The following RELN variants were observed in gnomAD, a reference collection of about 807,000 sequenced individuals.
RELN encodes the protein reelin.
Under a neutral mutation model 427.6 loss-of-function variants are expected in RELN, and 108 were observed. The observed-to-expected ratio is 0.25, with a 90% confidence interval of 0.22 to 0.30. RELN has a LOEUF of 0.30. RELN is among the 10% of genes least tolerant of loss of function. RELN has a pLI of 1.00. For synonymous variants in RELN, 1,524 were observed against 1,513.4 expected, an observed-to-expected ratio of 1.01 and a Z score of -0.16; for missense variants, 3,715 against 4,302.8, an observed-to-expected ratio of 0.86 and a Z score of 3.82.
At chr7:103,982,490 G>C (rs1477305359) in intron 1 of RELN, among the ~76,000 whole-genome samples, 1 of 151,996 alleles carries the variant, frequency 6.6e-6, no homozygotes, top group Admixed American at 6.6e-5. Context: ...GGCAATGGGG[G>C]AAACCTGAAG....
intron 11 of RELN, 76 bp from the exon 12 acceptor site, chr7:103,661,603 T>C: frequency 1.5e-6 from 2 of 1,300,090 alleles, no homozygotes; most frequent in East Asian, 2.4e-5. Context: ...ATTTAGTTTT[T>C]AGTGAGGGAC....
chr7:103,932,604 A>T (rs1391823714), intron 1 of RELN, among the ~76,000 whole-genome samples: 1 of 152,146 alleles, frequency 6.6e-6, no homozygotes, highest in African/African-American at 2.4e-5. Context: ...CTGTTATTCC[A>T]CCTGGTGGTG....
At chr7:103,741,537 C>CATTTGT (rs1393122047) in intron 6 of RELN, among the ~76,000 whole-genome samples, 3 of 150,016 alleles carry the variant, frequency 2.0e-5, no homozygotes, top group African/African-American at 4.9e-5. Flanking sequence ...ACAAATATAT[C>CATTTGT]ACAAGAGAAA....
At chr7:103,503,798 G>A (rs1417299703) in intron 51 of RELN, among the ~76,000 whole-genome samples, 1 of 150,890 alleles carries the variant, frequency 6.6e-6, no homozygotes, top group African/African-American at 2.4e-5. Context: ...TAAAATCTTG[G>A]CCTAAATATT....
intron 11 of RELN, among the ~76,000 whole-genome samples, chr7:103,675,973 C>T (rs1008842189): frequency 8.5e-5 from 13 of 152,134 alleles, no homozygotes; most frequent in Non-Finnish European, 1.8e-4. Context: ...AGGACATAGG[C>T]ATGGGCAAGG....
At chr7:103,475,611 A>T (rs1024559) in intron 64 of RELN, among the ~76,000 whole-genome samples, 20,716 of 152,218 alleles carry the variant, frequency 0.14, 1,765 homozygotes, top group East Asian at 0.29. Context: ...TGTTATCTCA[A>T]TGCAACCTAG....
intron 11 of RELN, among the ~76,000 whole-genome samples, chr7:103,674,141 A>G (rs1387997433): frequency 1.3e-5 from 2 of 152,030 alleles, no homozygotes; most frequent in Non-Finnish European, 2.9e-5. Flanking sequence ...TTTCCAGCTC[A>G]CTAATTTGTT....
intron 1 of RELN, among the ~76,000 whole-genome samples, chr7:103,976,806 C>A (rs944403853): frequency 1.3e-5 from 2 of 152,120 alleles, no homozygotes; most frequent in South Asian, 2.1e-4. Flanking sequence ...ATTGTAGTCC[C>A]AGCAATCAAG....
At chr7:103,838,126 G>A (rs983300214) in intron 2 of RELN, among the ~76,000 whole-genome samples, 22 of 148,714 alleles carry the variant, frequency 1.5e-4, no homozygotes, top group Admixed American at 1.4e-4. Context: ...GGAGAATGGC[G>A]TGAACCTGGG....
chr7:103,886,524 T>C (rs537741348), intron 2 of RELN, among the ~76,000 whole-genome samples: 6 of 152,326 alleles, frequency 3.9e-5, no homozygotes, highest in Admixed American at 1.3e-4. Context: ...AATGCACATC[T>C]TGATTTTAAG....
intron 46 of RELN, among the ~76,000 whole-genome samples, chr7:103,529,246 C>T (rs925933067): frequency 3.9e-5 from 6 of 152,196 alleles, no homozygotes; most frequent in African/African-American, 1.2e-4. Flanking sequence ...GTGCACAGCA[C>T]CTTTCCTTAG....
intron 28 of RELN, among the ~76,000 whole-genome samples, chr7:103,586,518 C>T (rs911320407): frequency 1.3e-5 from 2 of 152,018 alleles, no homozygotes; most frequent in East Asian, 3.9e-4. Flanking sequence ...CAACATAGTA[C>T]TAGAAGTCTT....
chr7:103,527,575 A>C (rs917061593), intron 46 of RELN, among the ~76,000 whole-genome samples: 1 of 152,206 alleles, frequency 6.6e-6, no homozygotes, highest in South Asian at 2.1e-4. Context: ...TGTTGCAGCT[A>C]TATGTGTCTT....
chr7:103,498,891 T>G (rs1474461616), intron 53 of RELN, among the ~76,000 whole-genome samples: 1 of 152,246 alleles, frequency 6.6e-6, no homozygotes, highest in Non-Finnish European at 1.5e-5. Context: ...AAAGTATTAT[T>G]GTAATGTATT....
intron 3 of RELN, among the ~76,000 whole-genome samples, chr7:103,777,603 T>C (rs1329199710): frequency 1.3e-5 from 2 of 152,160 alleles, no homozygotes; most frequent in African/African-American, 4.8e-5. Flanking sequence ...CCCCTTGATA[T>C]GCGTGCCCTT....
intron 64 of RELN, among the ~76,000 whole-genome samples, chr7:103,474,842 G>A (rs1586457625): frequency 1.3e-5 from 2 of 149,822 alleles, no homozygotes; most frequent in Admixed American, 1.3e-4. Context: ...GGAAACCCCT[G>A]AAATACTAAG....
intron 4 of RELN, among the ~76,000 whole-genome samples, chr7:103,758,927 G>A (rs372733899): frequency 8.6e-4 from 131 of 151,804 alleles, no homozygotes; most frequent in African/African-American, 3.0e-3. Flanking sequence ...TTCCTTAGCC[G>A]GGCATTTTCC....
At chr7:103,736,352 C>T (rs1386494241) in intron 6 of RELN, among the ~76,000 whole-genome samples, 1 of 152,142 alleles carries the variant, frequency 6.6e-6, no homozygotes. Flanking sequence ...TAAATCCTAT[C>T]CTCTTTGTAA....
rs189394869 is a variant in RELN at position 103,784,393 on chromosome 7, T to C, written c.474-7766A>G. Among the ~76,000 whole-genome samples, 18 of 152,286 alleles carry C rather than the reference T, an allele frequency of 1.2e-4. No homozygotes were observed. In the East Asian group the frequency reaches 2.9e-3, roughly 24 times the overall value. On this transcript the variant is annotated intron_variant, in intron 3 of 64. Transcript: ENST00000428762. Reference sequence around the variant, plus strand: ...CCTACGTCAGTAAGAGGTGAAATCCTCAGAGCAGCCCAGCTAACAGTGACC... The same window carrying C: ...CCTACGTCAGTAAGAGGTGAAATCCCCAGAGCAGCCCAGCTAACAGTGACC...
Sources: allele counts gnomAD v4.1 joint callset (sites outside exome capture counted in the v4.1 genomes callset), GRCh38; gene constraint gnomAD v4.1.1; transcripts MANE v1.5; gene names NCBI Gene and HGNC (gene_info 2026-07-23, HGNC 2026-07-21).